CERS6: variants seen among roughly 807,000 people sequenced by gnomAD.
CERS6 encodes the protein ceramide synthase 6.
A neutral mutation model predicts 56.8 loss-of-function variants in CERS6; 26 were observed. That is an observed-to-expected ratio of 0.46 (90% CI 0.34 to 0.63). The LOEUF (loss-of-function observed/expected upper bound fraction) is 0.63, where lower values mean the gene tolerates loss of function less well. CERS6 is among the 30% of genes least tolerant of loss of function. The pLI is 0.01. For synonymous variants in CERS6, 164 were observed against 173.3 expected (o/e 0.95, Z 0.42); for missense variants, 415 against 467.5 (o/e 0.89, Z 1.04).
Position 168,456,571 on chromosome 2 carries a change from T to G in CERS6, c.123T>G (p.Ala41=), listed in dbSNP as rs1482247106. ...CGCAGGCTGAGGACCTCTATCTCGC[T>G]TTTCCCCTGGCCTTCTGTATCTTCA... is the stretch of plus-strand genomic sequence containing the variant. ...TFPQAEDLYL[A]FPLAFCIFMV... The change falls in exon 1 of 10, where the codon GCT becomes GCG. Residue 41 remains alanine, a synonymous_variant. Coordinates refer to ENST00000305747, the MANE Select transcript of CERS6 (RefSeq NM_203463.3). The surrounding 1 kb of genome is among the most constrained non-coding windows in gnomAD (Gnocchi z 4.1). The G allele has an allele frequency of 6.2e-7, 1 of 1,613,848 alleles. No homozygotes were observed. Among genetic ancestry groups the G allele is most frequent in the South Asian group, 1.1e-5 (1 of 91,080 alleles).
At chr2:168,753,480 GT>G (rs1684333156) in intron 8 of CERS6, among the ~76,000 whole-genome samples, 1 of 152,158 alleles carries the variant, frequency 6.6e-6, no homozygotes, top group Admixed American at 6.5e-5. Flanking sequence ...AAGGCTTTTT[GT>G]TGTTGTTTAT....
intron 4 of CERS6, among the ~76,000 whole-genome samples, chr2:168,639,164 A>G (rs1306308537): frequency 1.3e-5 from 2 of 152,222 alleles, no homozygotes; most frequent in Non-Finnish European, 2.9e-5. Context: ...GAACTTGACT[A>G]TGAAAAACAT....
chr2:168,596,742 G>T (rs879764382), intron 3 of CERS6, among the ~76,000 whole-genome samples: 1 of 152,068 alleles, frequency 6.6e-6, no homozygotes, highest in Non-Finnish European at 1.5e-5. Context: ...TTTTAATAGA[G>T]ATGGGGTTTC....
At chr2:168,729,887 T>C (rs2105410269) in intron 8 of CERS6, among the ~76,000 whole-genome samples, 1 of 152,354 alleles carries the variant, frequency 6.6e-6, no homozygotes, top group Admixed American at 6.5e-5. Context: ...TTATCACACG[T>C]TACTGTGAGC....
At chr2:168,531,491 G>A (rs1695165862) in intron 1 of CERS6, among the ~76,000 whole-genome samples, 1 of 152,082 alleles carries the variant, frequency 6.6e-6, no homozygotes, top group Non-Finnish European at 1.5e-5. Context: ...ACAAATCTGT[G>A]CATCTTATGC....
intron 1 of CERS6, among the ~76,000 whole-genome samples, chr2:168,484,915 A>G (rs941305998): frequency 6.6e-6 from 1 of 152,250 alleles, no homozygotes; most frequent in Non-Finnish European, 1.5e-5. Flanking sequence ...ATATTCTCTC[A>G]TAGTGGAACA....
At chr2:168,613,352 G>T (rs1317694979) in intron 3 of CERS6, among the ~76,000 whole-genome samples, 1 of 152,138 alleles carries the variant, frequency 6.6e-6, no homozygotes, top group South Asian at 2.1e-4. Flanking sequence ...AGGAGCACGT[G>T]GTGTGAAAAG....
chr2:168,488,102 A>G (rs1055786877), intron 1 of CERS6, among the ~76,000 whole-genome samples: 4 of 152,202 alleles, frequency 2.6e-5, no homozygotes, highest in Non-Finnish European at 4.4e-5. Context: ...ACCTTTGTCA[A>G]ACATGCAGTG....
At chr2:168,744,687 T>C (rs930421747) in intron 8 of CERS6, among the ~76,000 whole-genome samples, 5 of 152,252 alleles carry the variant, frequency 3.3e-5, no homozygotes, top group African/African-American at 1.2e-4. Flanking sequence ...CATTGAATTT[T>C]GCCTGATAAA....
chr2:168,506,215 A>G (rs72873101), intron 1 of CERS6, among the ~76,000 whole-genome samples: 1 of 152,332 alleles, frequency 6.6e-6, no homozygotes, highest in Non-Finnish European at 1.5e-5. Context: ...GTGATTGTTT[A>G]AATCCTTGAT....
intron 4 of CERS6, among the ~76,000 whole-genome samples, chr2:168,638,274 A>AT (rs1326554538): frequency 6.6e-6 from 1 of 152,008 alleles, no homozygotes; most frequent in African/African-American, 2.4e-5. Flanking sequence ...CCACAGAACA[A>AT]TTTTTTCTCT....
At chr2:168,505,382 C>CAAAAAAAAAAAAAAAA (rs370477008) in intron 1 of CERS6, among the ~76,000 whole-genome samples, 1 of 96,376 alleles carries the variant, frequency 1.0e-5, no homozygotes, top group Non-Finnish European at 2.0e-5. Context: ...ACCCTGTTTC[C>CAAAAAAAAAAAAAAAA]AAAAAAAAAA....
intron 6 of CERS6, among the ~76,000 whole-genome samples, chr2:168,695,262 GCT>G (rs1329345910): frequency 2.0e-5 from 3 of 152,048 alleles, no homozygotes; most frequent in African/African-American, 7.2e-5. Context: ...CTAAAACTCA[GCT>G]CTCTTTTCTC....
At chr2:168,737,489 T>C (rs1206985578) in intron 8 of CERS6, among the ~76,000 whole-genome samples, 2 of 152,214 alleles carry the variant, frequency 1.3e-5, no homozygotes, top group African/African-American at 2.4e-5. Context: ...AGGGGTGATG[T>C]GAAATTATAA....
intron 4 of CERS6, among the ~76,000 whole-genome samples, chr2:168,670,479 G>A (rs571373022): frequency 2.6e-5 from 4 of 152,310 alleles, no homozygotes; most frequent in East Asian, 3.9e-4. Context: ...CACAAACTTA[G>A]AAATGGAGAA....
chr2:168,657,989 C>T (rs1438042149), intron 4 of CERS6, among the ~76,000 whole-genome samples: 2 of 152,224 alleles, frequency 1.3e-5, no homozygotes, highest in Non-Finnish European at 2.9e-5. Context: ...ACTGCCAGCA[C>T]ACTGTCACCT....
intron 6 of CERS6, among the ~76,000 whole-genome samples, chr2:168,705,628 A>T (rs80142440): frequency 0.031 from 4,686 of 152,240 alleles, 238 homozygotes; most frequent in African/African-American, 0.11. Flanking sequence ...TCCATCTTCT[A>T]TCTAAAGCAC....
chr2:168,730,212 C>G (rs538692728), intron 8 of CERS6, among the ~76,000 whole-genome samples: 1 of 152,280 alleles, frequency 6.6e-6, no homozygotes, highest in African/African-American at 2.4e-5. Flanking sequence ...ACAGTACTGC[C>G]TTTAGTAAGT....
In CERS6 at chr2:168,768,850, G is replaced by C. The variant is rs1159017171; in HGVS notation, c.1003-660G>C. ...GAACCCAGGAGGCGGAGGTTGCAGTGAGTTGGATCGCACCAGTGCACTCCA... is the reference window on the plus strand; with the variant it reads ...GAACCCAGGAGGCGGAGGTTGCAGTCAGTTGGATCGCACCAGTGCACTCCA... On this transcript the variant is annotated intron_variant, in intron 9 of 9. Transcript: ENST00000305747. Among the ~76,000 whole-genome samples the C allele has an allele frequency of 2.1e-5, 3 of 145,044 alleles. No individual in the cohort carries two copies. In the East Asian group the frequency reaches 6.2e-4, roughly 30 times the overall value.
Sources: allele counts gnomAD v4.1 joint callset (sites outside exome capture counted in the v4.1 genomes callset), GRCh38; gene constraint gnomAD v4.1.1; non-coding constraint Gnocchi (gnomAD v3.1); transcripts MANE v1.5; gene names NCBI Gene and HGNC (gene_info 2026-07-23, HGNC 2026-07-21).